LAMA3: variants seen among roughly 807,000 people sequenced by gnomAD.
LAMA3 encodes the protein laminin subunit alpha 3.
Under a neutral mutation model 402.0 loss-of-function variants are expected in LAMA3, and 281 were observed. That is an observed-to-expected ratio of 0.70 (90% CI 0.63 to 0.77). The LOEUF (loss-of-function observed/expected upper bound fraction) is 0.77, where lower values mean the gene tolerates loss of function less well. Ranked by LOEUF, LAMA3 falls within the 30% of genes least tolerant of loss-of-function variation. The pLI, the probability that LAMA3 is intolerant of heterozygous loss-of-function variation, is 0.00. For synonymous variants in LAMA3, 1,431 were observed against 1,558.4 expected, an observed-to-expected ratio of 0.92 and a Z score of 1.93; for missense variants, 3,840 against 4,215.5, an observed-to-expected ratio of 0.91 and a Z score of 2.47.
At chr18:23,706,580 T>G (rs2060893712) in intron 1 of LAMA3, among the ~76,000 whole-genome samples, 2 of 152,210 alleles carry the variant, frequency 1.3e-5, no homozygotes, top group Non-Finnish European at 2.9e-5. Flanking sequence ...TTATGTTTAT[T>G]GTGTTTATAT....
intron 73 of LAMA3, 29 bp downstream of exon 73, chr18:23,951,806 G>A: frequency 6.5e-7 from 1 of 1,527,730 alleles, no homozygotes; most frequent in Non-Finnish European, 9.1e-7. Context: ...GATTGTTCAT[G>A]CACTAAAACA....
chr18:23,704,439 A>G (rs1029194404), intron 1 of LAMA3, among the ~76,000 whole-genome samples: 96 of 152,358 alleles, frequency 6.3e-4, no homozygotes, highest in African/African-American at 2.3e-3. Flanking sequence ...GTGGTTTGAG[A>G]TGAAGCACTT....
At position 23,816,929 on chromosome 18, in the gene LAMA3, T is replaced by C. The variant is rs568003227; in HGVS notation, c.2147+442T>C. Reference sequence around the variant, plus strand: ...GGGAATAAGAGGGGGCAGTGCGACATACCCAGGTGCTTGGGTCAATAAGAG... The same window carrying C: ...GGGAATAAGAGGGGGCAGTGCGACACACCCAGGTGCTTGGGTCAATAAGAG... On this transcript the variant is annotated intron_variant, in intron 18 of 74. Transcript: ENST00000313654. 4.6e-5 allele frequency among the ~76,000 whole-genome samples: 7 copies of C among 152,050 alleles called. No homozygotes were observed. In the South Asian group the frequency reaches 1.2e-3, roughly 27 times the overall value.
At position 23,932,277 on chromosome 18, in the gene LAMA3, T is replaced by C; in HGVS notation, c.8694T>C (p.Asn2898=). ...GCAATTTTGAGGGTTGTATTAGCAA[T>C]GTTTTTGTCCAGAGGTAGGTGATCC... ...GGSNFEGCIS[N]VFVQRLSLSP... Residue 2898 remains asparagine, a synonymous_variant, in exon 66 of 75, where the codon AAT becomes AAC. Coordinates refer to ENST00000313654, the MANE Select transcript of LAMA3 (RefSeq NM_198129.4). 6.2e-7 allele frequency: 1 copy of C among 1,614,070 alleles called. No individual in the cohort carries two copies. The highest frequency in any genetic ancestry group is 8.5e-7 in the Non-Finnish European group (1 of 1,179,910).
intron 12 of LAMA3, among the ~76,000 whole-genome samples, chr18:23,799,023 C>G (rs1166267785): frequency 6.6e-6 from 1 of 152,132 alleles, no homozygotes; most frequent in East Asian, 1.9e-4. Flanking sequence ...CAGGGCTGGA[C>G]CCGAAGAAGG....
intron 37 of LAMA3, among the ~76,000 whole-genome samples, chr18:23,870,471 A>G (rs1053127045): frequency 2.6e-5 from 4 of 152,240 alleles, no homozygotes; most frequent in Non-Finnish European, 5.9e-5. Context: ...ATGCTCCAGC[A>G]GTCCCACTTC....
At chr18:23,917,097 A>C (rs980722371) in intron 60 of LAMA3, among the ~76,000 whole-genome samples, 1 of 151,894 alleles carries the variant, frequency 6.6e-6, no homozygotes, top group Non-Finnish European at 1.5e-5. Flanking sequence ...TTTAACTCTC[A>C]CTTATAAGTG....
At chr18:23,722,726 C>A (rs2061235531) in intron 2 of LAMA3, among the ~76,000 whole-genome samples, 1 of 152,172 alleles carries the variant, frequency 6.6e-6, no homozygotes. Context: ...AACAGCAACA[C>A]TAGGAAACAA....
chr18:23,806,429 A>C (rs982389735), intron 12 of LAMA3, among the ~76,000 whole-genome samples: 4 of 152,074 alleles, frequency 2.6e-5, no homozygotes, highest in African/African-American at 9.7e-5. Flanking sequence ...GTTGATAAGG[A>C]AAGTGGGATG....
At chr18:23,699,024 TAGAGAGAGAGAGAGAGAG>T (rs34691495) in intron 1 of LAMA3, among the ~76,000 whole-genome samples, 2 of 142,466 alleles carry the variant, frequency 1.4e-5, no homozygotes, top group Non-Finnish European at 3.0e-5. Context: ...GGCGGGCAGA[TAGAGAGAGAGAGAGAGAG>T]AGAGAGAGAG....
chr18:23,890,847 G>C (rs978467655), intron 42 of LAMA3, among the ~76,000 whole-genome samples: 2 of 152,150 alleles, frequency 1.3e-5, no homozygotes, highest in East Asian at 3.8e-4. Flanking sequence ...GTCTAGAATG[G>C]GGTATTTATT....
At chr18:23,751,309 G>T (rs1314131324) in intron 5 of LAMA3, among the ~76,000 whole-genome samples, 1 of 152,016 alleles carries the variant, frequency 6.6e-6, no homozygotes, top group Non-Finnish European at 1.5e-5. Flanking sequence ...GAAGATGAAA[G>T]GCAAATGATT....
intron 44 of LAMA3, among the ~76,000 whole-genome samples, chr18:23,895,955 C>T (rs1208849810): frequency 2.6e-5 from 4 of 152,194 alleles, no homozygotes; most frequent in African/African-American, 9.7e-5. Flanking sequence ...GTATCCCACA[C>T]ACCTTGCAAT....
chr18:23,784,679 G>GC (rs1568181239), intron 12 of LAMA3, among the ~76,000 whole-genome samples: 1 of 152,112 alleles, frequency 6.6e-6, no homozygotes, highest in African/African-American at 2.4e-5. Flanking sequence ...GGTCGCTGAA[G>GC]GGGGGATGGA....
chr18:23,727,517 G>T (rs185830983), intron 2 of LAMA3, among the ~76,000 whole-genome samples: 2 of 151,928 alleles, frequency 1.3e-5, no homozygotes, highest in South Asian at 4.2e-4. Context: ...CTACAGATGG[G>T]GTTTTGCCAT....
intron 25 of LAMA3, among the ~76,000 whole-genome samples, chr18:23,837,724 C>T (rs1396856184): frequency 6.6e-6 from 1 of 151,278 alleles, no homozygotes; most frequent in Non-Finnish European, 1.5e-5. Context: ...AAGGAGGTGG[C>T]CAGATTTACA....
intron 1 of LAMA3, among the ~76,000 whole-genome samples, chr18:23,705,918 A>G (rs1210205709): frequency 6.6e-6 from 1 of 152,086 alleles, no homozygotes; most frequent in Non-Finnish European, 1.5e-5. Context: ...TGGTCTGCCC[A>G]CCCCCATTCC....
chr18:23,800,663 G>A (rs1598819198), intron 12 of LAMA3, among the ~76,000 whole-genome samples: 1 of 152,138 alleles, frequency 6.6e-6, no homozygotes, highest in African/African-American at 2.4e-5. Context: ...TATCCATTAA[G>A]CAATCTCTCC....
chr18:23,943,137 A>G (rs1161714465), intron 68 of LAMA3, among the ~76,000 whole-genome samples: 3 of 152,244 alleles, frequency 2.0e-5, no homozygotes, highest in Admixed American at 6.5e-5. Flanking sequence ...AACAGAATGC[A>G]TATTCATTGA....
Sources: allele counts gnomAD v4.1 joint callset (sites outside exome capture counted in the v4.1 genomes callset), GRCh38; gene constraint gnomAD v4.1.1; transcripts MANE v1.5; gene names NCBI Gene and HGNC (gene_info 2026-07-23, HGNC 2026-07-21).